Variants in SCUBE1 observed in about 807,000 individuals in gnomAD.
SCUBE1 encodes the protein signal peptide, CUB domain and EGF like domain containing 1, also known as signal peptide, CUB and EGF-like domain-containing protein 1.
Under a neutral mutation model 124.4 loss-of-function variants are expected in SCUBE1, and 59 were observed. The ratio of observed to expected loss-of-function variants is 0.47; its 90% CI spans 0.38 to 0.59. The LOEUF is 0.59. Among genes scored for constraint, SCUBE1 ranks in the 20% least tolerant of loss-of-function variants. The pLI is 0.00. For missense variants in SCUBE1, 1,150 were observed against 1,371.2 expected (o/e 0.84, Z 2.55); for synonymous variants, 545 against 550.9 (o/e 0.99, Z 0.15).
At chr22:43,209,485 C>T (rs1921445302) in intron 19 of SCUBE1, among the ~76,000 whole-genome samples, 2 of 152,232 alleles carry the variant, frequency 1.3e-5, no homozygotes, top group Admixed American at 1.3e-4. Flanking sequence ...TGAGTCCAGT[C>T]CTCTCTCATG....
In SCUBE1 at chr22:43,201,019, C is replaced by G. The variant is rs372645326; in HGVS notation, c.*2978G>C. On this transcript the variant is annotated 3_prime_UTR_variant, in exon 22 of 22. Transcript: ENST00000360835. ...TCTGGAAAGGATTAAAAAAGAAAAC[C>G]CTGGCTGGGCGTGGTGGCTCACGCC... 1.3e-5 allele frequency: 2 copies of G among 152,034 alleles called. No homozygotes were observed. The highest frequency in any genetic ancestry group is 2.9e-5 in the Non-Finnish European group (2 of 68,018). 9.4% of individuals were successfully genotyped at this position (152,034 alleles called of 1,614,324 possible).
At chr22:43,286,681 C>T (rs1032342803) in intron 4 of SCUBE1, among the ~76,000 whole-genome samples, 1 of 152,202 alleles carries the variant, frequency 6.6e-6, no homozygotes, top group Non-Finnish European at 1.5e-5. Flanking sequence ...CTCTTAGGAC[C>T]CCTACTTAGC....
At chr22:43,243,984 C>T (rs545892873) in intron 6 of SCUBE1, among the ~76,000 whole-genome samples, 1 of 152,330 alleles carries the variant, frequency 6.6e-6, no homozygotes, top group East Asian at 1.9e-4. Flanking sequence ...GACACAGCCA[C>T]TGGTCTTCAC....
At chr22:43,331,491 G>A (rs1252501647) in intron 2 of SCUBE1, among the ~76,000 whole-genome samples, 1 of 152,096 alleles carries the variant, frequency 6.6e-6, no homozygotes, top group Non-Finnish European at 1.5e-5. Flanking sequence ...ACATAGAAGG[G>A]GTGATGTGTA....
Position 43,317,317 on chromosome 22 carries a change from C to T in SCUBE1, c.349+2620G>A, listed in dbSNP as rs115007907. On this transcript the variant is annotated intron_variant, in intron 3 of 21. Coordinates refer to ENST00000360835, the MANE Select transcript of SCUBE1 (RefSeq NM_173050.5). ...TTCACACTGTCACCTCATCCTCACA[C>T]GCGATCTTGGGAAGTGGATTACGCA... Among the ~76,000 whole-genome samples, 723 of 152,310 alleles carry T rather than the reference C, an allele frequency of 4.7e-3. 3 individuals carry two copies. The highest frequency in any genetic ancestry group is 0.015 in the African/African-American group (642 of 41,552).
intron 9 of SCUBE1, among the ~76,000 whole-genome samples, chr22:43,227,764 G>C (rs9612027): frequency 0.41 from 61,650 of 152,130 alleles, 12,902 homozygotes; most frequent in Middle Eastern, 0.47. Flanking sequence ...GGGCAGAGGA[G>C]GTAGCACACG....
chr22:43,343,096 G>C, intron 1 of SCUBE1, 78 bp downstream of exon 1: 1 of 673,306 alleles, frequency 1.5e-6, no homozygotes, highest in Non-Finnish European at 1.9e-6. Flanking sequence ...GATCCGCGGG[G>C]AAGAAGCCCT....
At chr22:43,339,290 G>T in intron 1 of SCUBE1, 55 bp from the exon 2 acceptor site, 2 of 1,580,130 alleles carry the variant, frequency 1.3e-6, no homozygotes, top group Admixed American at 1.7e-5. Flanking sequence ...CAGGGCAGGT[G>T]GCCGATAGTG....
chr22:43,247,827 G>C (rs1923277858), intron 6 of SCUBE1, among the ~76,000 whole-genome samples: 1 of 152,240 alleles, frequency 6.6e-6, no homozygotes, highest in African/African-American at 2.4e-5. Context: ...TGCAGGTGAA[G>C]AGGGTGCCCT....
chr22:43,284,746 G>C (rs115001914), intron 4 of SCUBE1, among the ~76,000 whole-genome samples: 3,522 of 149,234 alleles, frequency 0.024, 148 homozygotes, highest in African/African-American at 0.081. Flanking sequence ...TGCAGCTCTT[G>C]CAATCATCAT....
At chr22:43,206,581 G>A (rs544866092) in intron 21 of SCUBE1, among the ~76,000 whole-genome samples, 5 of 152,170 alleles carry the variant, frequency 3.3e-5, no homozygotes, top group East Asian at 1.9e-4. Flanking sequence ...CAGGGGGTCC[G>A]GGCAGGCCGC....
Position 43,198,660 on chromosome 22 carries a change from A to G in SCUBE1, c.*5337T>C. ...TTTGGTGAAAAGGGACCTCAATGTC[A>G]GGTGCAGTTTGCCAGGGTGACCAGA... On this transcript the variant is annotated 3_prime_UTR_variant, in exon 22 of 22. Transcript: ENST00000360835. 2.2e-6 allele frequency: 1 copy of G among 456,740 alleles called. No homozygotes were observed. Among genetic ancestry groups the G allele is most frequent in the Non-Finnish European group, 4.4e-6 (1 of 226,976 alleles). 28.3% of individuals were successfully genotyped at this position (456,740 alleles called of 1,614,324 possible).
At chr22:43,244,257 G>A (rs1342563410) in intron 6 of SCUBE1, among the ~76,000 whole-genome samples, 1 of 152,204 alleles carries the variant, frequency 6.6e-6, no homozygotes, top group Non-Finnish European at 1.5e-5. Flanking sequence ...GGACACAGCA[G>A]GCCCCACCTG....
intron 10 of SCUBE1, 27 bp downstream of exon 10, chr22:43,227,347 G>GCCAGCAGCACAGGGCGGGA (rs1569501417): frequency 1.3e-6 from 2 of 1,596,374 alleles, no homozygotes; most frequent in African/African-American, 2.7e-5. Context: ...GCAGGGGAGG[G>GCCAGCAGCACAGGGCGGGA]GCCAGCAGCA....
At chr22:43,317,132 C>T (rs527567466) in intron 3 of SCUBE1, 1 of 152,262 alleles carries the variant, frequency 6.6e-6, no homozygotes, top group East Asian at 1.9e-4. Flanking sequence ...ATTGGGAAAA[C>T]AGGGGAAAAA....
rs74609124 is a variant in SCUBE1, at chr22:43,228,104, C to A, written c.1085-608G>T. Among the ~76,000 whole-genome samples, 1,094 of 152,302 alleles carry A rather than the reference C, an allele frequency of 7.2e-3. 12 individuals are homozygous for A. The highest frequency in any genetic ancestry group is 0.025 in the African/African-American group (1,030 of 41,558). On this transcript the variant is annotated intron_variant, in intron 9 of 21. Transcript: ENST00000360835. ...AGCCCGCCTCCAGAAGCCCAAGCAC[C>A]AGCTATGTCCTGATCACATTCTTGC... is the stretch of plus-strand genomic sequence containing the variant.
intron 6 of SCUBE1, among the ~76,000 whole-genome samples, chr22:43,244,886 G>A (rs911988811): frequency 1.3e-5 from 2 of 152,206 alleles, no homozygotes; most frequent in South Asian, 2.1e-4. Context: ...CGGGGTCCTC[G>A]CCAGAACCTG....
chr22:43,207,304 C>T (rs1008709510), intron 21 of SCUBE1, among the ~76,000 whole-genome samples: 7 of 151,668 alleles, frequency 4.6e-5, no homozygotes, highest in African/African-American at 1.7e-4. Flanking sequence ...TCCTGGTCCC[C>T]AAGTCCTCAC....
At chr22:43,313,994 G>A (rs1926256712) in intron 3 of SCUBE1, among the ~76,000 whole-genome samples, 1 of 152,196 alleles carries the variant, frequency 6.6e-6, no homozygotes, top group Non-Finnish European at 1.5e-5. Context: ...TGTTACAACT[G>A]GACAAGACTC....
Sources: allele counts gnomAD v4.1 joint callset (sites outside exome capture counted in the v4.1 genomes callset), GRCh38; gene constraint gnomAD v4.1.1; transcripts MANE v1.5; gene names NCBI Gene and HGNC (gene_info 2026-07-23, HGNC 2026-07-21).